The following MTHFD1L variants were observed in gnomAD, a reference collection of about 807,000 sequenced individuals.
MTHFD1L encodes the protein methylenetetrahydrofolate dehydrogenase (NADP+ dependent) 1 like.
Under a neutral mutation model 119.5 loss-of-function variants are expected in MTHFD1L, and 81 were observed. That is an observed-to-expected ratio of 0.68 (90% CI 0.57 to 0.82). The LOEUF (loss-of-function observed/expected upper bound fraction) is 0.82. Among genes scored for constraint, MTHFD1L ranks in the 40% least tolerant of loss-of-function variants. The pLI, the probability that MTHFD1L is intolerant of heterozygous loss-of-function variation, is 0.00. For synonymous variants in MTHFD1L, 430 were observed against 475.2 expected (o/e 0.90, Z 1.24); for missense variants, 1,125 against 1,253.4 (o/e 0.90, Z 1.55).
rs1786827644 is a variant in MTHFD1L, at chr6:151,039,947, TGC to T, written c.2847+2831_2847+2832del. 9.4e-5 allele frequency among the ~76,000 whole-genome samples: 13 copies of T among 138,694 alleles called. No homozygotes were observed. Among genetic ancestry groups the T allele is most frequent in the Admixed American group, 8.2e-4 (10 of 12,248 alleles). The allele number at this position is 138,694 out of a possible 152,430, so 91.0% of individuals were successfully genotyped here. On this transcript the variant is annotated intron_variant, in intron 26 of 27. Coordinates refer to ENST00000367321, the MANE Select transcript of MTHFD1L (RefSeq NM_015440.5). This position sits in a 1 kb window ranked among gnomAD's most constrained non-coding sequence, Gnocchi z 4.4. ...ATACATACATACATACATACATACA[TGC>T]ATACATGCATACATGCATACATAGA...
chr6:150,983,702 A>G (rs1777860888), intron 20 of MTHFD1L, among the ~76,000 whole-genome samples: 1 of 152,228 alleles, frequency 6.6e-6, no homozygotes, highest in African/African-American at 2.4e-5. Context: ...GTTACGTTCA[A>G]TTCCAAGCAG....
chr6:150,936,957 C>T lies in MTHFD1L; in HGVS notation c.1393+17C>T, dbSNP rs200018546. The T allele has an allele frequency of 1.2e-6, 2 of 1,610,168 alleles. No individual in the cohort carries two copies. The highest frequency in any genetic ancestry group is 1.3e-5 in the African/African-American group (1 of 74,968). On this transcript the variant is annotated intron_variant, in intron 12 of 27. Transcript: ENST00000367321. The stretch of plus-strand genomic sequence containing the variant: ...GAGTGAAAGGTACTGTCTTTAACAA[C>T]TAGTGTACTTTTCAGGGCAAAGTTG...
chr6:151,090,500 C>T (rs970275423), intron 26 of MTHFD1L, among the ~76,000 whole-genome samples: 3 of 152,238 alleles, frequency 2.0e-5, no homozygotes, highest in Admixed American at 6.5e-5. Context: ...ATGCACAGGC[C>T]CACAGGCCCC....
At chr6:150,931,324 T>A (rs190982931) in intron 11 of MTHFD1L, among the ~76,000 whole-genome samples, 60 of 151,406 alleles carry the variant, frequency 4.0e-4, no homozygotes, top group African/African-American at 1.3e-3. Flanking sequence ...TTGGATTTTT[T>A]AAAAATGTTT....
intron 26 of MTHFD1L, among the ~76,000 whole-genome samples, chr6:151,054,185 CTT>C (rs1562604017): frequency 6.6e-6 from 1 of 151,968 alleles, no homozygotes; most frequent in Non-Finnish European, 1.5e-5. Flanking sequence ...AAATTGGAAA[CTT>C]ATATCTTTCT....
chr6:150,924,184 C>T (rs1789525267), intron 10 of MTHFD1L, among the ~76,000 whole-genome samples: 1 of 152,182 alleles, frequency 6.6e-6, no homozygotes, highest in South Asian at 2.1e-4. Context: ...GATGATGTCT[C>T]TGTGACTAGC....
intron 24 of MTHFD1L, among the ~76,000 whole-genome samples, chr6:151,019,166 A>C (rs932949901): frequency 2.7e-5 from 4 of 148,484 alleles, no homozygotes; most frequent in African/African-American, 7.4e-5. Flanking sequence ...GAGCCTTTCT[A>C]CATAAACCAC....
At position 151,041,233 on chromosome 6, in the gene MTHFD1L, G is replaced by A. The variant is rs530301283; in HGVS notation, c.2847+4116G>A. ...CAGAGCAGGAAGCTGCATGTGTAGT[G>A]GGACACACGCACCAGAGGGGCCAGG... On this transcript the variant is annotated intron_variant, in intron 26 of 27. Transcript: ENST00000367321. 2.0e-5 allele frequency among the ~76,000 whole-genome samples: 3 copies of A among 152,308 alleles called. No individual in the cohort carries two copies. The South Asian group carries it at 6.2e-4, about 32-fold the overall frequency.
At chr6:151,093,238 C>A (rs1480184690) in intron 27 of MTHFD1L, among the ~76,000 whole-genome samples, 4 of 152,168 alleles carry the variant, frequency 2.6e-5, no homozygotes, top group Admixed American at 2.0e-4. Context: ...TGCGTCACTC[C>A]CGTCTCAGCC....
intron 26 of MTHFD1L, among the ~76,000 whole-genome samples, chr6:151,037,535 A>G (rs1786370225): frequency 6.6e-6 from 1 of 152,184 alleles, no homozygotes; most frequent in Non-Finnish European, 1.5e-5. Flanking sequence ...GGCTGGGGAA[A>G]GCAGTCCTCA....
At chr6:151,079,144 A>G (rs1040723880) in intron 26 of MTHFD1L, among the ~76,000 whole-genome samples, 2 of 152,172 alleles carry the variant, frequency 1.3e-5, no homozygotes, top group Non-Finnish European at 2.9e-5. Context: ...AGTGTAATCA[A>G]TAAATCAGAT....
intron 4 of MTHFD1L, among the ~76,000 whole-genome samples, chr6:150,881,798 A>G (rs186320662): frequency 6.6e-6 from 1 of 152,336 alleles, no homozygotes; most frequent in East Asian, 1.9e-4. Context: ...GATACAGAGT[A>G]AGTGCTCAAA....
At chr6:151,061,168 C>T (rs888502282) in intron 26 of MTHFD1L, among the ~76,000 whole-genome samples, 3 of 152,092 alleles carry the variant, frequency 2.0e-5, no homozygotes, top group African/African-American at 7.2e-5. Flanking sequence ...TTGGGAGCCC[C>T]TAAGACCATG....
Position 151,037,081 on chromosome 6 carries a change from C to T in MTHFD1L, c.2811C>T (p.Ser937=). ...TACCTATCAGTGACGTCCGGGCCAG[C>T]ATAGGCGCTGGGTTCATTTACCCTT... ...FILPISDVRA[S]IGAGFIYPLV... Residue 937 remains serine (S), a synonymous_variant, in exon 26 of 28, where the codon AGC becomes AGT. Coordinates refer to ENST00000367321, the MANE Select transcript of MTHFD1L (RefSeq NM_015440.5). 6.2e-7 allele frequency: 1 copy of T among 1,612,022 alleles called. No homozygotes were observed. Among genetic ancestry groups the T allele is most frequent in the Non-Finnish European group, 8.5e-7 (1 of 1,179,866 alleles).
At position 150,960,484 on chromosome 6, in the gene MTHFD1L, G is replaced by T. The variant is rs1027364291; in HGVS notation, c.1944+69G>T. ...CGTTCTTCGTTACCAGAAAAAGAAAGGTTTTCTTCCTTTTATCAGTGAGTG... is the reference window on the plus strand; with the variant it reads ...CGTTCTTCGTTACCAGAAAAAGAAATGTTTTCTTCCTTTTATCAGTGAGTG... On this transcript the variant is annotated intron_variant, in intron 18 of 27. Transcript: ENST00000367321. The T allele has an allele frequency of 1.1e-5, 16 of 1,511,852 alleles. No individual in the cohort carries two copies. In the African/African-American group the frequency reaches 2.2e-4, roughly 21 times the overall value. The allele number at this position is 1,511,852 out of a possible 1,614,324, so 93.7% of individuals were successfully genotyped here.
At chr6:151,059,203 G>A (rs1790348464) in intron 26 of MTHFD1L, among the ~76,000 whole-genome samples, 1 of 152,246 alleles carries the variant, frequency 6.6e-6, no homozygotes, top group South Asian at 2.1e-4. Context: ...TGGTGGTGGT[G>A]GTGGTGGTGG....
intron 26 of MTHFD1L, among the ~76,000 whole-genome samples, chr6:151,058,786 C>T (rs13194260): frequency 6.6e-6 from 1 of 152,194 alleles, no homozygotes; most frequent in Non-Finnish European, 1.5e-5. Context: ...ACTGTTTTAA[C>T]TTATTTAATA....
chr6:150,906,927 T>G (rs1270959463), intron 8 of MTHFD1L, among the ~76,000 whole-genome samples: 1 of 151,984 alleles, frequency 6.6e-6, no homozygotes, highest in African/African-American at 2.4e-5. Flanking sequence ...GTGGCCCTAA[T>G]GGCTCTTTTT....
At chr6:150,886,233 G>A (rs1426868830) in intron 6 of MTHFD1L, among the ~76,000 whole-genome samples, 2 of 152,124 alleles carry the variant, frequency 1.3e-5, no homozygotes, top group African/African-American at 4.8e-5. Flanking sequence ...AGGAGTTCGA[G>A]ACCAGCCTGG....
Sources: gnomAD v4.1 joint callset for allele counts (sites outside exome capture counted in the v4.1 genomes callset) on GRCh38, gnomAD v4.1.1 for gene constraint, Gnocchi (gnomAD v3.1) non-coding constraint, MANE v1.5 for transcripts, NCBI Gene and HGNC (gene_info 2026-07-23, HGNC 2026-07-21) for gene names.